The following PRSS27 variants were observed in gnomAD, a reference collection of about 807,000 sequenced individuals.
PRSS27 encodes the protein channel-activating protease 2.
PRSS27 carries 25 observed loss-of-function variants against 32.0 expected under a neutral mutation model. That is an observed-to-expected ratio of 0.78 (90% CI 0.57 to 1.09). The LOEUF (loss-of-function observed/expected upper bound fraction) is 1.09, where lower values mean the gene tolerates loss of function less well. PRSS27 is among the 50% of genes least tolerant of loss of function. The pLI is 0.00. For missense variants in PRSS27, 401 were observed against 394.9 expected (o/e 1.02, Z -0.13); for synonymous variants, 178 against 172.2 (o/e 1.03, Z -0.26).
In PRSS27 at chr16:2,715,956, C is replaced by G. The variant is rs951679259; in HGVS notation, c.74-76G>C. 6 of 1,301,942 alleles carry G rather than the reference C, an allele frequency of 4.6e-6. No homozygotes were observed. In the East Asian group the frequency reaches 1.5e-4, roughly 33 times the overall value. 80.6% of individuals were successfully genotyped at this position (1,301,942 alleles called of 1,614,324 possible). A position where few individuals can be genotyped will look rare whatever the true frequency, so the allele number is the denominator to read the frequency against. On this transcript the variant is annotated intron_variant, in intron 2 of 5. Transcript: ENST00000302641. ...GGCCGAGGCCCAGCTCTCAGCCTCA[C>G]ACTCCAGTCCTCGGCCCTCCTGCCC...
intron 1 of PRSS27, among the ~76,000 whole-genome samples, chr16:2,719,000 T>C (rs1371724782): frequency 6.6e-6 from 1 of 152,074 alleles, no homozygotes; most frequent in Non-Finnish European, 1.5e-5. Flanking sequence ...GGGCCTGTGA[T>C]TCGCTGGTAG....
rs375160241 is a variant in PRSS27 at position 2,712,836 on chromosome 16, C to T, written c.679-22G>A. On this transcript the variant is annotated intron_variant, in intron 5 of 5. Transcript: ENST00000302641. The surrounding 1 kb of genome is among the most constrained non-coding windows in gnomAD (Gnocchi z 4.6). ...CGCCCTGCGGGGGACGCAGAGTCACCGTCAGAGCCCACCTTGAGTTCCCAG... is the reference window on the plus strand; with the variant it reads ...CGCCCTGCGGGGGACGCAGAGTCACTGTCAGAGCCCACCTTGAGTTCCCAG... 6.7e-5 allele frequency: 100 copies of T among 1,497,146 alleles called. No homozygotes were observed. The South Asian group carries it at 7.6e-4, about 11-fold the overall frequency. 92.7% of individuals were successfully genotyped at this position (1,497,146 alleles called of 1,614,324 possible). A position where few individuals can be genotyped will look rare whatever the true frequency, so the allele number is the denominator to read the frequency against.
In PRSS27 at chr16:2,714,616, G is replaced by C. The variant is rs2067689615; in HGVS notation, c.237-280C>G. ...ATGCAGCTTTCTCACCTGTGCTGTG[G>C]GGACAGTCACAGTGCCTACCTGAAA... On this transcript the variant is annotated intron_variant, in intron 3 of 5. Transcript: ENST00000302641. This position sits in a 1 kb window ranked among gnomAD's most constrained non-coding sequence, Gnocchi z 4.7. 1 of 496,566 alleles carries C rather than the reference G, an allele frequency of 2.0e-6. No homozygotes were observed. The highest frequency in any genetic ancestry group is 3.7e-6 in the Non-Finnish European group (1 of 271,922). 30.8% of individuals were successfully genotyped at this position (496,566 alleles called of 1,614,324 possible). A position where few individuals can be genotyped will look rare whatever the true frequency, so the allele number is the denominator to read the frequency against.
chr16:2,714,748 T>G lies in PRSS27; in HGVS notation c.237-412A>C. 4.0e-6 allele frequency: 1 copy of G among 247,280 alleles called. No individual in the cohort carries two copies. Among genetic ancestry groups the G allele is most frequent in the Non-Finnish European group, 8.1e-6 (1 of 124,180 alleles). The allele number at this position is 247,280 out of a possible 1,614,324, so 15.3% of individuals were successfully genotyped here. Reference sequence around the variant, plus strand: ...TCAGCCCGAGTTTCCGATTTTTTTTTTCCCCTAGAGACAGAGTTCTCATTC... The same window carrying G: ...TCAGCCCGAGTTTCCGATTTTTTTTGTCCCCTAGAGACAGAGTTCTCATTC... On this transcript the variant is annotated intron_variant, in intron 3 of 5. Transcript: ENST00000302641. This position sits in a 1 kb window ranked among gnomAD's most constrained non-coding sequence, Gnocchi z 4.7.
chr16:2,719,981 G>A (rs2067725109), intron 1 of PRSS27, 134 bp downstream of exon 1: 3 of 821,866 alleles, frequency 3.7e-6, no homozygotes, highest in Non-Finnish European at 5.8e-6. Flanking sequence ...CCTGCTCAGG[G>A]GCAGGAGGGA....
intron 5 of PRSS27, chr16:2,713,259 T>C (rs373960348): frequency 0.023 from 10,951 of 475,840 alleles, 165 homozygotes; most frequent in Non-Finnish European, 0.03. Flanking sequence ...CCACCACGCC[T>C]GGCTAATTTT....
rs1186027687 is a variant in PRSS27 at position 2,717,303 on chromosome 16, C to A, written c.47-777G>T. The A allele has an allele frequency of 6.6e-6, 1 of 152,354 alleles. No individual in the cohort carries two copies. Among genetic ancestry groups the A allele is most frequent in the African/African-American group, 2.4e-5 (1 of 41,416 alleles). The allele number at this position is 152,354 out of a possible 1,614,324, so 9.4% of individuals were successfully genotyped here. On this transcript the variant is annotated intron_variant, in intron 1 of 5. Coordinates refer to ENST00000302641, the MANE Select transcript of PRSS27 (RefSeq NM_031948.5). The surrounding 1 kb of genome is among the most constrained non-coding windows in gnomAD (Gnocchi z 4.1). ...AAGATATGGGGTCGTTCGGGGGAAC[C>A]AAGGATGGGAACATATTTTCTGCTG...
chr16:2,719,964 C>A, intron 1 of PRSS27, 151 bp downstream of exon 1: 4 of 742,590 alleles, frequency 5.4e-6, no homozygotes, highest in Non-Finnish European at 8.7e-6. Context: ...CATCTGGAGC[C>A]TTCCCACCTG....
chr16:2,714,124 AC>A lies in PRSS27; in HGVS notation c.448del (p.Val150Ter). The part of the protein sequence containing the change: ...ILPVCLPDPS[V>X]IFETGMNCWV... Reference sequence around the variant, plus strand: ...GCAGTTCATGCCCGTCTCAAAGATCACCGAGGGGTCAGGCAGGCACACGGGG... The same window carrying A: ...GCAGTTCATGCCCGTCTCAAAGATCACGAGGGGTCAGGCAGGCACACGGGG... On this transcript the variant is annotated frameshift_variant, in exon 4 of 6. Transcript: ENST00000302641. LOFTEE classifies it high-confidence loss of function. The surrounding 1 kb of genome is among the most constrained non-coding windows in gnomAD (Gnocchi z 4.7). 6.2e-7 allele frequency: 1 copy of A among 1,613,946 alleles called. No homozygotes were observed. Among genetic ancestry groups the A allele is most frequent in the Non-Finnish European group, 8.5e-7 (1 of 1,179,960 alleles).
At chr16:2,713,011 G>C in intron 5 of PRSS27, 197 bp from the exon 6 acceptor site, 1 of 561,134 alleles carries the variant, frequency 1.8e-6, no homozygotes, top group Non-Finnish European at 3.1e-6. Flanking sequence ...ACTAGGGTGT[G>C]TGTGTGTGTT....
At chr16:2,713,255 C>G (rs149365493) in intron 5 of PRSS27, 1 of 473,130 alleles carries the variant, frequency 2.1e-6, no homozygotes, top group East Asian at 4.2e-5. Flanking sequence ...CCCACCACCA[C>G]GCCTGGCTAA....
intron 1 of PRSS27, among the ~76,000 whole-genome samples, chr16:2,719,402 C>T (rs1214262629): frequency 1.3e-5 from 2 of 152,128 alleles, no homozygotes; most frequent in Non-Finnish European, 2.9e-5. Context: ...GACTTGAGGA[C>T]AGGGAAGTGT....
Position 2,714,938 on chromosome 16 carries a change from T to A in PRSS27, c.237-602A>T. On this transcript the variant is annotated intron_variant, in intron 3 of 5. Coordinates refer to ENST00000302641, the MANE Select transcript of PRSS27 (RefSeq NM_031948.5). This position sits in a 1 kb window ranked among gnomAD's most constrained non-coding sequence, Gnocchi z 4.7. ...TTGTTTTTTGTTTTTTAATTTTTTT[T>A]TATTTTTAGTAGAGACAGGGTCTTG... 6.5e-6 allele frequency: 1 copy of A among 154,194 alleles called. No homozygotes were observed. The highest frequency in any genetic ancestry group is 1.4e-5 in the Non-Finnish European group (1 of 69,496). 9.6% of individuals were successfully genotyped at this position (154,194 alleles called of 1,614,324 possible).
Position 2,715,854 on chromosome 16 carries a change from G to A in PRSS27, c.100C>T (p.Arg34Ter), listed in dbSNP as rs780379554. 4.4e-6 allele frequency: 7 copies of A among 1,595,536 alleles called. No individual in the cohort carries two copies. The highest frequency in any genetic ancestry group is 1.7e-5 in the Admixed American group (1 of 59,392). ...TACGRPRMLN[R>*]MVGGQDTQEG... is the part of the protein sequence containing the mutation. ...TGCGTGTCCTGCCCGCCCACCATTC[G>A]GTTCAGCATCCTGGGGCGACCACAG... The change falls in exon 3 of 6, where the codon CGA becomes TGA. Residue 34 changes from arginine to a stop codon, truncating the protein, a stop_gained. Transcript: ENST00000302641. LOFTEE classifies it high-confidence loss of function.
At chr16:2,719,006 G>A (rs1301872747) in intron 1 of PRSS27, among the ~76,000 whole-genome samples, 1 of 152,178 alleles carries the variant, frequency 6.6e-6, no homozygotes, top group Non-Finnish European at 1.5e-5. Flanking sequence ...GTGATTCGCT[G>A]GTAGCTGGTG....
At position 2,714,406 on chromosome 16, in the gene PRSS27, G is replaced by C. The variant is rs1266344013; in HGVS notation, c.237-70C>G. 2 of 1,536,874 alleles carry C rather than the reference G, an allele frequency of 1.3e-6. No homozygotes were observed. The highest frequency in any genetic ancestry group is 1.8e-6 in the Non-Finnish European group (2 of 1,138,720). On this transcript the variant is annotated intron_variant, in intron 3 of 5. Transcript: ENST00000302641. This position sits in a 1 kb window ranked among gnomAD's most constrained non-coding sequence, Gnocchi z 4.7. ...GGGGACAGGCCCGGGAGGGGCTGGG[G>C]CTCCTCTGGCCACCACCGTGCCCCA...
intron 5 of PRSS27, chr16:2,713,210 T>A (rs2067675394): frequency 2.2e-6 from 1 of 454,360 alleles, no homozygotes; most frequent in Admixed American, 3.4e-5. Flanking sequence ...GCCATTCTCC[T>A]GCCTCAGCCT....
intron 2 of PRSS27, 60 bp from the exon 3 acceptor site, chr16:2,715,940 C>A: frequency 1.4e-6 from 2 of 1,417,010 alleles, no homozygotes; most frequent in Non-Finnish European, 1.9e-6. Flanking sequence ...TGGCCGAGGC[C>A]CAGCTCTCAG....
rs551936738 is a variant in PRSS27, at chr16:2,714,598, T to C, written c.237-262A>G. 1.9e-6 allele frequency: 1 copy of C among 540,140 alleles called. No homozygotes were observed. Among genetic ancestry groups the C allele is most frequent in the African/African-American group, 1.9e-5 (1 of 52,604 alleles). The allele number at this position is 540,140 out of a possible 1,614,324, so 33.5% of individuals were successfully genotyped here. A position where few individuals can be genotyped will look rare whatever the true frequency, so the allele number is the denominator to read the frequency against. ...CTTAACAAGTTCTCTGTGATGCAGC[T>C]TTCTCACCTGTGCTGTGGGGACAGT... On this transcript the variant is annotated intron_variant, in intron 3 of 5. Transcript: ENST00000302641. This position sits in a 1 kb window ranked among gnomAD's most constrained non-coding sequence, Gnocchi z 4.7.
Sources: gnomAD v4.1 joint callset for allele counts (sites outside exome capture counted in the v4.1 genomes callset) on GRCh38, gnomAD v4.1.1 for gene constraint, Gnocchi (gnomAD v3.1) non-coding constraint, MANE v1.5 for transcripts, NCBI Gene and HGNC (gene_info 2026-07-23, HGNC 2026-07-21) for gene names.